Variants in RYR1 observed in about 807,000 individuals in gnomAD.
RYR1 encodes ryanodine receptor 1.
Under a neutral mutation model 583.5 loss-of-function variants are expected in RYR1, and 342 were observed. The observed-to-expected ratio is 0.59, with a 90% CI of 0.54 to 0.64. RYR1 has a LOEUF of 0.64. Ranked by LOEUF, RYR1 falls within the 30% of genes least tolerant of loss-of-function variation. RYR1 has a pLI of 0.00. For missense variants in RYR1, 6,032 were observed against 6,917.2 expected, an observed-to-expected ratio of 0.87 and a Z score of 4.54; for synonymous variants, 2,791 against 2,822.5, an observed-to-expected ratio of 0.99 and a Z score of 0.35.
In RYR1 at chr19:38,507,988, G is replaced by A. The variant is rs186944357; in HGVS notation, c.8932+161G>A. On this transcript the variant is annotated intron_variant, in intron 58 of 105. Coordinates refer to ENST00000359596, the MANE Select transcript of RYR1 (RefSeq NM_000540.3). ...TGCCAGACACTGTTCTAGATGCTGG[G>A]GTACAGCAGTGAAGATGACAAATGA... Among the ~76,000 whole-genome samples the A allele has an allele frequency of 3.5e-3, 529 of 152,158 alleles. 7 individuals are homozygous for A. The highest frequency in any genetic ancestry group is 0.012 in the African/African-American group (484 of 41,496).
Position 38,473,484 on chromosome 19 carries a change from C to T in RYR1, c.3873C>T (p.Ser1291=), listed in dbSNP as rs769127451. ...TGGAGATGCTTTTCCTGCGGCTGAG[C>T]CTCCCAGTCCAGTTCCACCAGCACT... ...SLVEMLFLRL[S]LPVQFHQHFR... The change falls in exon 28 of 106, where the codon AGC becomes AGT. Residue 1291 remains serine, a synonymous_variant. Transcript: ENST00000359596. The T allele has an allele frequency of 2.9e-5, 46 of 1,613,676 alleles. No homozygotes were observed. Among genetic ancestry groups the T allele is most frequent in the Non-Finnish European group, 3.8e-5 (45 of 1,179,912 alleles).
intron 56 of RYR1, 85 bp from the exon 57 acceptor site, chr19:38,506,744 G>T: frequency 4.4e-6 from 7 of 1,593,824 alleles, no homozygotes; most frequent in Non-Finnish European, 5.1e-6. Flanking sequence ...CCATAATTAC[G>T]CATGCCGGGC....
intron 63 of RYR1, 147 bp from the exon 64 acceptor site, chr19:38,514,879 T>A: frequency 2.9e-6 from 2 of 686,008 alleles, no homozygotes; most frequent in Non-Finnish European, 2.7e-6. Flanking sequence ...GGTAACTTGC[T>A]CAAGTCACAA....
intron 95 of RYR1, 83 bp from the exon 96 acceptor site, chr19:38,573,094 C>T (rs1973796463): frequency 3.1e-6 from 5 of 1,600,330 alleles, no homozygotes; most frequent in Non-Finnish European, 3.4e-6. Flanking sequence ...ACACAGACCC[C>T]AGCAAGATGT....
chr19:38,509,720 G>T (rs1970644098), intron 58 of RYR1, among the ~76,000 whole-genome samples: 1 of 151,718 alleles, frequency 6.6e-6, no homozygotes, highest in Admixed American at 6.6e-5. Context: ...GCTTCCCAAA[G>T]TGCTGGGATT....
chr19:38,486,578 T>C (rs1457040799), intron 34 of RYR1, among the ~76,000 whole-genome samples: 1 of 152,168 alleles, frequency 6.6e-6, no homozygotes, highest in Non-Finnish European at 1.5e-5. Flanking sequence ...CCTGACCTCC[T>C]GATCTGCCCA....
In RYR1 at chr19:38,570,785, C is replaced by T. The variant is rs889629080; in HGVS notation, c.13746+92C>T. ...CTATCAGAATTTCAGGGTTCCTCCA[C>T]TGAAGGGATAAGGTATTGGGCTTTG... On this transcript the variant is annotated intron_variant, in intron 94 of 105. Transcript: ENST00000359596. 12 of 1,094,284 alleles carry T rather than the reference C, an allele frequency of 1.1e-5. No homozygotes were observed. The African/African-American group carries it at 1.9e-4, about 17-fold the overall frequency. 67.8% of individuals were successfully genotyped at this position (1,094,284 alleles called of 1,614,324 possible).
At chr19:38,586,725 C>G in intron 105 of RYR1, 149 bp downstream of exon 105, 2 of 768,530 alleles carry the variant, frequency 2.6e-6, no homozygotes, top group Non-Finnish European at 4.5e-6. Flanking sequence ...AATCCCAACA[C>G]TTTGGGAGGC....
Position 38,500,473 on chromosome 19 carries a change from C to A in RYR1, c.7324-133C>A. 1 of 1,334,360 alleles carries A rather than the reference C, an allele frequency of 7.5e-7. No homozygotes were observed. Among genetic ancestry groups the A allele is most frequent in the Non-Finnish European group, 1.1e-6 (1 of 948,798 alleles). The allele number at this position is 1,334,360 out of a possible 1,614,324, so 82.7% of individuals were successfully genotyped here. On this transcript the variant is annotated intron_variant, in intron 45 of 105. Coordinates refer to ENST00000359596, the MANE Select transcript of RYR1 (RefSeq NM_000540.3). This position sits in a 1 kb window ranked among gnomAD's most constrained non-coding sequence, Gnocchi z 5.9. The stretch of plus-strand genomic sequence containing the variant: ...GGGGGCACAGGCAGAGGAACGAGGG[C>A]TGGAAACTCTAGACAGCCTCCTGAG...
chr19:38,505,815 A>T lies in RYR1; in HGVS notation c.8410A>T (p.Ile2804Phe), dbSNP rs779475638. ...YKTFSEKDKEIYRWPIKESLK... is the reference protein window; with the variant it reads ...YKTFSEKDKEFYRWPIKESLK... ...CTCCTGTCCACCCCAGGACAAAGAG[A>T]TTTACCGCTGGCCCATCAAGGAGTC... The change falls in exon 54 of 106, where the codon ATT becomes TTT. Residue 2804 changes from isoleucine (I) to phenylalanine (F), a missense_variant. By Grantham distance (21) the Ile-to-Phe change is conservative. This residue lies in a region of RYR1 where 1,493 missense variants were observed against 1,715.5 expected (regional missense o/e 0.87). Coordinates refer to ENST00000359596, the MANE Select transcript of RYR1 (RefSeq NM_000540.3). 20 of 1,613,882 alleles carry T rather than the reference A, an allele frequency of 1.2e-5. No homozygotes were observed. Among genetic ancestry groups the T allele is most frequent in the Admixed American group, 6.7e-5 (4 of 59,970 alleles).
At chr19:38,535,685 C>T in intron 81 of RYR1, 1 of 591,754 alleles carries the variant, frequency 1.7e-6, no homozygotes, top group Non-Finnish European at 3.0e-6. Context: ...CTGATGATCC[C>T]AATTAATCTG....
chr19:38,515,840 C>A (rs1192885229), intron 64 of RYR1, among the ~76,000 whole-genome samples: 1 of 152,076 alleles, frequency 6.6e-6, no homozygotes, highest in Non-Finnish European at 1.5e-5. Flanking sequence ...ACTCAGGAGG[C>A]TGAGGTGGGA....
chr19:38,518,093 T>C (rs1279627514), intron 66 of RYR1, among the ~76,000 whole-genome samples: 1 of 151,748 alleles, frequency 6.6e-6, no homozygotes, highest in Non-Finnish European at 1.5e-5. Context: ...TACTCCAGCC[T>C]GGGTGACAGA....
At chr19:38,570,483 A>G (rs1599646297) in intron 93 of RYR1, 124 bp from the exon 94 acceptor site, 2 of 599,412 alleles carry the variant, frequency 3.3e-6, no homozygotes, top group East Asian at 6.0e-5. Flanking sequence ...TAATAAATAA[A>G]TAGGAGGTTG....
chr19:38,524,865 G>C (rs1020652227), intron 70 of RYR1, among the ~76,000 whole-genome samples: 5 of 152,092 alleles, frequency 3.3e-5, no homozygotes, highest in African/African-American at 4.8e-5. Context: ...GTATTGTACT[G>C]GGGTTCCTAG....
Position 38,451,888 on chromosome 19 carries a change from G to A in RYR1, c.1244+3G>A, listed in dbSNP as rs1967093875. On this transcript the variant is annotated splice_donor_region_variant and intron_variant, in intron 12 of 105. Transcript: ENST00000359596. ...GGCCTATACAACCAGTTCATCAAGT[G>A]AGCAACCTGCCCTCCCTGCTGGGGT... is the stretch of plus-strand genomic sequence containing the variant. The A allele has an allele frequency of 1.9e-6, 3 of 1,614,118 alleles. No homozygotes were observed. The highest frequency in any genetic ancestry group is 1.7e-6 in the Non-Finnish European group (2 of 1,179,994).
intron 95 of RYR1, among the ~76,000 whole-genome samples, chr19:38,572,734 C>T (rs530206600): frequency 1.1e-4 from 17 of 152,172 alleles, no homozygotes; most frequent in African/African-American, 3.9e-4. Context: ...CCCCTGTTCT[C>T]ACATCCTGGC....
chr19:38,547,203 T>A (rs1972470838), intron 88 of RYR1, among the ~76,000 whole-genome samples: 1 of 139,434 alleles, frequency 7.2e-6, no homozygotes, highest in Admixed American at 7.4e-5. Flanking sequence ...CACACCTGGC[T>A]AATTTTTTTT....
At chr19:38,548,723 G>A (rs1324121047) in intron 89 of RYR1, among the ~76,000 whole-genome samples, 1 of 152,124 alleles carries the variant, frequency 6.6e-6, no homozygotes, top group Non-Finnish European at 1.5e-5. Context: ...GACGACGGGT[G>A]TGTGACATCA....
Sources: gnomAD v4.1 joint callset for allele counts (sites outside exome capture counted in the v4.1 genomes callset) on GRCh38, gnomAD v4.1.1 for gene constraint, gnomAD v4.1.1 regional missense constraint, Gnocchi (gnomAD v3.1) non-coding constraint, MANE v1.5 for transcripts, NCBI Gene and HGNC (gene_info 2026-07-23, HGNC 2026-07-21) for gene names.